Variants in DPP10 observed in about 807,000 individuals in gnomAD.
DPP10 encodes dipeptidyl peptidase like 10.
A neutral mutation model predicts 120.9 loss-of-function variants in DPP10; 33 were observed. That is an observed-to-expected ratio of 0.27 (90% CI 0.21 to 0.37). The LOEUF (loss-of-function observed/expected upper bound fraction) is 0.37. Among genes scored for constraint, DPP10 ranks in the 10% least tolerant of loss-of-function variants. The pLI, the probability that DPP10 is intolerant of heterozygous loss-of-function variation, is 1.00. For synonymous variants in DPP10, 337 were observed against 326.1 expected (o/e 1.03, Z -0.36); for missense variants, 816 against 942.8 (o/e 0.87, Z 1.76).
intron 1 of DPP10, among the ~76,000 whole-genome samples, chr2:114,878,991 G>A (rs1280822662): frequency 6.6e-6 from 1 of 152,040 alleles, no homozygotes; most frequent in African/African-American, 2.4e-5. Context: ...AAAGGTATGG[G>A]ATTTAAGAGA....
At chr2:115,311,399 A>G (rs912945551) in intron 2 of DPP10, among the ~76,000 whole-genome samples, 1 of 152,190 alleles carries the variant, frequency 6.6e-6, no homozygotes, top group Non-Finnish European at 1.5e-5. Flanking sequence ...AAACCATGAC[A>G]AGCAGTGTTA....
chr2:114,549,770 C>T (rs1382951516), intron 1 of DPP10, among the ~76,000 whole-genome samples: 1 of 151,556 alleles, frequency 6.6e-6, no homozygotes, highest in African/African-American at 2.4e-5. Flanking sequence ...TTGGAGACAG[C>T]TGGACTCACA....
intron 1 of DPP10, among the ~76,000 whole-genome samples, chr2:115,119,833 G>T (rs1179050677): frequency 6.6e-6 from 1 of 152,166 alleles, no homozygotes; most frequent in Non-Finnish European, 1.5e-5. Context: ...GTGCTTAGAA[G>T]ACATGTACCT....
intron 5 of DPP10, among the ~76,000 whole-genome samples, chr2:115,589,616 A>G (rs1229932738): frequency 1.3e-5 from 2 of 152,216 alleles, no homozygotes; most frequent in Admixed American, 6.5e-5. Context: ...AAAGGCTGAA[A>G]TGACACATCA....
chr2:115,350,561 A>G (rs967372899), intron 3 of DPP10, among the ~76,000 whole-genome samples: 3 of 152,104 alleles, frequency 2.0e-5, no homozygotes, highest in Non-Finnish European at 4.4e-5. Flanking sequence ...TAATTTTGTT[A>G]TTCTGCCTGT....
chr2:115,169,379 T>TA (rs2105043102), intron 1 of DPP10, among the ~76,000 whole-genome samples: 2 of 152,290 alleles, frequency 1.3e-5, no homozygotes, highest in East Asian at 3.9e-4. Context: ...AATTTGCACT[T>TA]ATGTGAATGA....
At chr2:115,406,839 T>G (rs866926458) in intron 3 of DPP10, among the ~76,000 whole-genome samples, 1 of 152,148 alleles carries the variant, frequency 6.6e-6, no homozygotes, top group Non-Finnish European at 1.5e-5. Flanking sequence ...ACAAATATAA[T>G]TGTGATTTCA....
intron 3 of DPP10, among the ~76,000 whole-genome samples, chr2:115,474,356 A>G (rs1489719149): frequency 1.3e-5 from 2 of 152,214 alleles, no homozygotes; most frequent in Non-Finnish European, 2.9e-5. Context: ...TAATGGGTTC[A>G]GCCCATGGAG....
At chr2:114,708,357 C>CTAT (rs1700813560) in intron 1 of DPP10, among the ~76,000 whole-genome samples, 1 of 152,136 alleles carries the variant, frequency 6.6e-6, no homozygotes, top group Non-Finnish European at 1.5e-5. Flanking sequence ...AAAGCCTGGG[C>CTAT]TATTCTAGGT....
chr2:114,886,212 T>C (rs542649912), intron 1 of DPP10, among the ~76,000 whole-genome samples: 2 of 152,312 alleles, frequency 1.3e-5, no homozygotes, highest in South Asian at 4.1e-4. Context: ...TAATTCTGAA[T>C]AAGTAGATGA....
intron 7 of DPP10, among the ~76,000 whole-genome samples, chr2:115,717,132 A>T (rs2092521991): frequency 6.6e-6 from 1 of 152,216 alleles, no homozygotes; most frequent in South Asian, 2.1e-4. Flanking sequence ...AGAGTAGTAA[A>T]TTCAGCTCAC....
At chr2:115,489,618 T>C (rs2075991671) in intron 3 of DPP10, among the ~76,000 whole-genome samples, 1 of 152,022 alleles carries the variant, frequency 6.6e-6, no homozygotes, top group Middle Eastern at 3.4e-3. Flanking sequence ...TGGCGCTTTT[T>C]TTTTTTTTTA....
chr2:115,592,610 G>T (rs1989030), intron 5 of DPP10, among the ~76,000 whole-genome samples: 1 of 151,326 alleles, frequency 6.6e-6, no homozygotes, highest in Non-Finnish European at 1.5e-5. Flanking sequence ...ACAAAAATTA[G>T]CTGGGCGTGG....
At chr2:115,388,995 G>A (rs577179753) in intron 3 of DPP10, among the ~76,000 whole-genome samples, 135 of 152,218 alleles carry the variant, frequency 8.9e-4, no homozygotes, top group African/African-American at 3.0e-3. Flanking sequence ...AAACACACAA[G>A]TTTTTAGCCT....
chr2:114,885,370 A>C (rs1021310791), intron 1 of DPP10, among the ~76,000 whole-genome samples: 1 of 152,100 alleles, frequency 6.6e-6, no homozygotes, highest in African/African-American at 2.4e-5. Flanking sequence ...TATAAGAAAC[A>C]CACTCCCATG....
intron 3 of DPP10, among the ~76,000 whole-genome samples, chr2:115,478,155 A>G (rs2075208420): frequency 6.6e-6 from 1 of 152,154 alleles, no homozygotes; most frequent in African/African-American, 2.4e-5. Flanking sequence ...ATTGCATTTC[A>G]ATGAGATTGG....
At chr2:115,641,541 G>T (rs745639102) in intron 5 of DPP10, among the ~76,000 whole-genome samples, 6 of 152,038 alleles carry the variant, frequency 3.9e-5, no homozygotes, top group Non-Finnish European at 7.4e-5. Flanking sequence ...CTCTATCCTA[G>T]TATCCTGTTT....
At chr2:114,943,531 C>T (rs1409585798) in intron 1 of DPP10, among the ~76,000 whole-genome samples, 1 of 152,138 alleles carries the variant, frequency 6.6e-6, no homozygotes, top group African/African-American at 2.4e-5. Context: ...CTCGGCCTCC[C>T]AAAGTGTTGG....
Position 115,603,168 on chromosome 2 carries a change from GTA to G in DPP10, c.441+77199_441+77200del, listed in dbSNP as rs1250236249. Among the ~76,000 whole-genome samples, 9 of 135,552 alleles carry G rather than the reference GTA, an allele frequency of 6.6e-5. 1 individual carries two copies. The highest frequency in any genetic ancestry group is 2.5e-4 in the African/African-American group (9 of 35,742). 88.9% of individuals were successfully genotyped at this position (135,552 alleles called of 152,430 possible). A position where few individuals can be genotyped will look rare whatever the true frequency, so the allele number is the denominator to read the frequency against. The stretch of plus-strand genomic sequence containing the variant: ...TGTGTGTGTGTGTGTGTGTGTGTGT[GTA>G]TAGTCATCTGCAAGTTGAATGTGTT... On this transcript the variant is annotated intron_variant, in intron 5 of 25. Transcript: ENST00000410059.
Sources: gnomAD v4.1 joint callset for allele counts (sites outside exome capture counted in the v4.1 genomes callset) on GRCh38, gnomAD v4.1.1 for gene constraint, MANE v1.5 for transcripts, NCBI Gene and HGNC (gene_info 2026-07-23, HGNC 2026-07-21) for gene names.